SLC9C2: variants seen among roughly 807,000 people sequenced by gnomAD.
SLC9C2 encodes sodium/hydrogen exchanger 11.
SLC9C2 carries 75 observed loss-of-function variants against 140.2 expected under a neutral mutation model. The observed-to-expected ratio is 0.53, with a 90% CI of 0.44 to 0.65. The LOEUF (loss-of-function observed/expected upper bound fraction) is 0.65. Ranked by LOEUF, SLC9C2 falls within the 30% of genes least tolerant of loss-of-function variation. SLC9C2 has a pLI of 0.00. For synonymous variants in SLC9C2, 375 were observed against 420.9 expected, an observed-to-expected ratio of 0.89 and a Z score of 1.34; for missense variants, 1,074 against 1,331.8, an observed-to-expected ratio of 0.81 and a Z score of 3.01.
intron 13 of SLC9C2, among the ~76,000 whole-genome samples, chr1:173,541,132 A>G (rs908845682): frequency 5.9e-5 from 9 of 152,160 alleles, no homozygotes; most frequent in Admixed American, 2.6e-4. Context: ...AGAAACACAC[A>G]TACTCTCAAA....
intron 21 of SLC9C2, 58 bp downstream of exon 21, chr1:173,523,911 G>C: frequency 6.4e-7 from 1 of 1,559,904 alleles, no homozygotes; most frequent in Non-Finnish European, 8.6e-7. Flanking sequence ...ATTAGGGAGT[G>C]GAAAAAAATG....
At chr1:173,516,316 C>T (rs971140721) in intron 23 of SLC9C2, among the ~76,000 whole-genome samples, 5 of 152,104 alleles carry the variant, frequency 3.3e-5, no homozygotes, top group African/African-American at 9.7e-5. Flanking sequence ...ACAAGTATTC[C>T]TTTTTTAAGT....
At chr1:173,576,791 A>C in intron 7 of SLC9C2, 31 bp from the exon 8 acceptor site, 3 of 1,331,942 alleles carry the variant, frequency 2.3e-6, no homozygotes, top group Non-Finnish European at 3.2e-6. Context: ...AATGAATCAA[A>C]TGCAATGTAT....
rs755631795 is a variant in SLC9C2, at chr1:173,535,846, G to C, written c.1759C>G (p.His587Asp). The C allele has an allele frequency of 1.5e-5, 23 of 1,509,870 alleles. No individual in the cohort carries two copies. The highest frequency in any genetic ancestry group is 2.1e-5 in the Non-Finnish European group (23 of 1,120,444). The allele number at this position is 1,509,870 out of a possible 1,614,324, so 93.5% of individuals were successfully genotyped here. A position where few individuals can be genotyped will look rare whatever the true frequency, so the allele number is the denominator to read the frequency against. The stretch of plus-strand genomic sequence containing the variant: ...AATACTTACTCAGGTGGAATAAAAT[G>C]TATCTTTTCTATACAATATTCCAAG... ...TFLEYCIEKI[H>D]FIPPESNTFL... is the part of the protein sequence containing the mutation. Residue 587 changes from histidine (H) to aspartate (D), a missense_variant, in exon 15 of 28, where the codon CAT (histidine) becomes GAT (aspartate). By Grantham distance (81) the His-to-Asp change is moderately conservative. Transcript: ENST00000367714.
intron 7 of SLC9C2, 51 bp downstream of exon 7, chr1:173,581,796 G>T: frequency 7.1e-7 from 1 of 1,401,950 alleles, no homozygotes. Context: ...AAATAAACAT[G>T]TATAAAACTT....
At chr1:173,508,648 A>C (rs1018004838) in intron 24 of SLC9C2, among the ~76,000 whole-genome samples, 2 of 152,186 alleles carry the variant, frequency 1.3e-5, no homozygotes, top group Non-Finnish European at 2.9e-5. Flanking sequence ...CTCATTTTTT[A>C]ACCCAATATT....
At chr1:173,584,236 A>C (rs1665721319) in intron 5 of SLC9C2, among the ~76,000 whole-genome samples, 1 of 152,204 alleles carries the variant, frequency 6.6e-6, no homozygotes, top group African/African-American at 2.4e-5. Flanking sequence ...ACTAAGTGAA[A>C]GAAGCCAGAC....
At chr1:173,538,407 GTTTA>G (rs947082372) in intron 13 of SLC9C2, among the ~76,000 whole-genome samples, 4 of 152,170 alleles carry the variant, frequency 2.6e-5, no homozygotes, top group Admixed American at 6.5e-5. Flanking sequence ...ATGATGGATT[GTTTA>G]TTTATTCATT....
intron 23 of SLC9C2, among the ~76,000 whole-genome samples, chr1:173,513,843 G>C (rs1232067180): frequency 2.0e-5 from 3 of 152,180 alleles, no homozygotes; most frequent in Non-Finnish European, 4.4e-5. Context: ...AGAGATTCTG[G>C]TATGTTGTCT....
At chr1:173,584,187 T>A (rs1665718383) in intron 5 of SLC9C2, among the ~76,000 whole-genome samples, 1 of 120,872 alleles carries the variant, frequency 8.3e-6, no homozygotes, top group Non-Finnish European at 1.6e-5. Context: ...AATGAAGTAC[T>A]TACTGATACT....
chr1:173,573,084 G>A lies in SLC9C2; in HGVS notation c.1046+98C>T. The A allele has an allele frequency of 3.6e-6, 3 of 823,916 alleles. No individual in the cohort carries two copies. In the East Asian group the frequency reaches 8.9e-5, roughly 24 times the overall value. 51.0% of individuals were successfully genotyped at this position (823,916 alleles called of 1,614,324 possible). ...AACAATGCCGGTTTCCTGGCTCCAT[G>A]TCCAGAGCCCTTTTTGCTGTATGCC... On this transcript the variant is annotated intron_variant, in intron 9 of 27. Transcript: ENST00000367714.
At chr1:173,546,209 A>G (rs774873488) in intron 13 of SLC9C2, among the ~76,000 whole-genome samples, 4 of 152,352 alleles carry the variant, frequency 2.6e-5, no homozygotes, top group Admixed American at 2.6e-4. Flanking sequence ...AGAAATGTTT[A>G]AAAGAATGAA....
intron 9 of SLC9C2, among the ~76,000 whole-genome samples, chr1:173,564,119 G>A (rs534821291): frequency 6.6e-6 from 1 of 152,208 alleles, no homozygotes; most frequent in East Asian, 1.9e-4. Context: ...TGGACACTTA[G>A]GTCGCTTCCA....
Position 173,582,021 on chromosome 1 carries a change from A to G in SLC9C2, c.641-13T>C. ...CCTACATGTAAATCTAAAAAAAAGA[A>G]AGAAAAAATAAGAAATAAAAACTTG... On this transcript the variant is annotated splice_polypyrimidine_tract_variant and intron_variant, in intron 6 of 27. Transcript: ENST00000367714. 1 of 1,483,804 alleles carries G rather than the reference A, an allele frequency of 6.7e-7. No homozygotes were observed. Among genetic ancestry groups the G allele is most frequent in the Admixed American group, 2.2e-5 (1 of 46,128 alleles). The allele number at this position is 1,483,804 out of a possible 1,614,324, so 91.9% of individuals were successfully genotyped here.
intron 13 of SLC9C2, among the ~76,000 whole-genome samples, chr1:173,542,289 C>A (rs536166003): frequency 8.6e-5 from 13 of 151,586 alleles, no homozygotes; most frequent in African/African-American, 3.1e-4. Flanking sequence ...GACACATACA[C>A]CCTCCCAAGA....
At chr1:173,541,185 A>G (rs545530674) in intron 13 of SLC9C2, among the ~76,000 whole-genome samples, 32 of 151,966 alleles carry the variant, frequency 2.1e-4, no homozygotes, top group African/African-American at 7.2e-4. Context: ...TGGAAAGCAA[A>G]AAAAAAAAGC....
At chr1:173,521,271 A>T in intron 22 of SLC9C2, 30 bp downstream of exon 22, 4 of 604,276 alleles carry the variant, frequency 6.6e-6, no homozygotes, top group Non-Finnish European at 8.5e-6. Flanking sequence ...TTTTAAGTAA[A>T]AAAAAAAAAA....
intron 4 of SLC9C2, among the ~76,000 whole-genome samples, chr1:173,589,228 T>A (rs910039763): frequency 4.6e-5 from 7 of 152,214 alleles, no homozygotes; most frequent in Admixed American, 4.6e-4. Flanking sequence ...GCCAATTCAA[T>A]TTTTAATGAT....
chr1:173,537,574 G>C (rs1662064651), intron 13 of SLC9C2, among the ~76,000 whole-genome samples: 1 of 148,336 alleles, frequency 6.7e-6, no homozygotes. Context: ...AAATTTATAT[G>C]TGTGTGTGTA....
Sources: gnomAD v4.1 joint callset for allele counts (sites outside exome capture counted in the v4.1 genomes callset) on GRCh38, gnomAD v4.1.1 for gene constraint, MANE v1.5 for transcripts, NCBI Gene and HGNC (gene_info 2026-07-23, HGNC 2026-07-21) for gene names.